Variants in LRRN3 observed in about 807,000 individuals in gnomAD.
The protein encoded by LRRN3 is leucine rich repeat neuronal 3.
A neutral mutation model predicts 40.1 loss-of-function variants in LRRN3; 15 were observed. The observed-to-expected ratio is 0.37, with a 90% CI of 0.25 to 0.58. The LOEUF is 0.58. LRRN3 is among the 20% of genes least tolerant of loss of function. The probability of loss-of-function intolerance (pLI) is 0.72; values close to 1 mark genes in which losing one functional copy is unlikely to be tolerated. For missense variants in LRRN3, 746 were observed against 837.7 expected (o/e 0.89, Z 1.35); for synonymous variants, 308 against 297.2 (o/e 1.04, Z -0.37).
chr7:111,096,588 T>A (rs1016488875), intron 1 of LRRN3, among the ~76,000 whole-genome samples: 1 of 151,070 alleles, frequency 6.6e-6, no homozygotes, highest in Non-Finnish European at 1.5e-5. Context: ...TACCTACTCA[T>A]CCATATGTTT....
intron 2 of LRRN3, among the ~76,000 whole-genome samples, chr7:111,105,414 C>G (rs1303766344): frequency 6.6e-6 from 1 of 151,778 alleles, no homozygotes; most frequent in Non-Finnish European, 1.5e-5. Flanking sequence ...GAACAATACA[C>G]CACAACAGTA....
At chr7:111,106,725 T>C (rs1207742216) in intron 2 of LRRN3, among the ~76,000 whole-genome samples, 2 of 148,088 alleles carry the variant, frequency 1.4e-5, no homozygotes, top group Non-Finnish European at 3.0e-5. Flanking sequence ...AAAACTGCCC[T>C]TACAGATCTT....
At chr7:111,116,696 T>C (rs1267625449) in intron 2 of LRRN3, among the ~76,000 whole-genome samples, 1 of 152,186 alleles carries the variant, frequency 6.6e-6, no homozygotes, top group Non-Finnish European at 1.5e-5. Flanking sequence ...AAACAGTTTT[T>C]ATTTTATTCC....
intron 2 of LRRN3, among the ~76,000 whole-genome samples, chr7:111,108,092 G>T (rs527522384): frequency 5.3e-5 from 8 of 152,026 alleles, no homozygotes; most frequent in Non-Finnish European, 8.8e-5. Context: ...AGTGTCTTCT[G>T]TAAGTGTCAC....
chr7:111,096,921 C>G (rs1797461014), intron 1 of LRRN3: 1 of 151,838 alleles, frequency 6.6e-6, no homozygotes, highest in African/African-American at 2.4e-5. Context: ...TCTGTGAGCC[C>G]TTTCTAGGGG....
chr7:111,104,709 G>C (rs1029521839), intron 2 of LRRN3, among the ~76,000 whole-genome samples: 2 of 151,740 alleles, frequency 1.3e-5, no homozygotes, highest in African/African-American at 4.8e-5. Context: ...AAGTGTGAAG[G>C]ACTTGTCACA....
intron 2 of LRRN3, among the ~76,000 whole-genome samples, chr7:111,118,885 G>A (rs563909017): frequency 6.6e-6 from 1 of 152,172 alleles, no homozygotes; most frequent in Admixed American, 6.5e-5. Context: ...ACTCTCATTT[G>A]CAAAAGCTTT....
chr7:111,121,867 G>A (rs987766221), intron 2 of LRRN3, among the ~76,000 whole-genome samples: 2 of 152,090 alleles, frequency 1.3e-5, no homozygotes, highest in Admixed American at 1.3e-4. Context: ...AGAAAATGTG[G>A]CAAATATACA....
rs1800066600 is a variant in LRRN3, at chr7:111,117,770, T to C, written c.-358-4645T>C. 2.0e-5 allele frequency among the ~76,000 whole-genome samples: 3 copies of C among 152,038 alleles called. No homozygotes were observed. The South Asian group carries it at 6.2e-4, about 31-fold the overall frequency. On this transcript the variant is annotated intron_variant, in intron 2 of 2. Coordinates refer to ENST00000308478, the MANE Select transcript of LRRN3 (RefSeq NM_001099658.2). ...TATACAAATGAACTTAGCCAGCAAT[T>C]TGCTATAGAAGAAAAGGAAAAACTG...
chr7:111,122,421 G>A lies in LRRN3; in HGVS notation c.-352G>A, dbSNP rs554225790. The A allele has an allele frequency of 6.6e-4, 121 of 183,606 alleles. No homozygotes were observed. Among genetic ancestry groups the A allele is most frequent in the African/African-American group, 2.6e-3 (111 of 42,662 alleles). The allele number at this position is 183,606 out of a possible 1,614,324, so 11.4% of individuals were successfully genotyped here. A position where few individuals can be genotyped will look rare whatever the true frequency, so the allele number is the denominator to read the frequency against. ...TTCATTTTATTACATTTAGCATCATGCTGCTATTCCTGCAAATACTGAAGA... is the reference window on the plus strand; with the variant it reads ...TTCATTTTATTACATTTAGCATCATACTGCTATTCCTGCAAATACTGAAGA... On this transcript the variant is annotated 5_prime_UTR_variant, in exon 3 of 3. It removes an upstream start codon present in the reference 5' UTR. Coordinates refer to ENST00000308478, the MANE Select transcript of LRRN3 (RefSeq NM_001099658.2).
At chr7:111,115,144 AAG>A (rs1799724881) in intron 2 of LRRN3, among the ~76,000 whole-genome samples, 2 of 152,288 alleles carry the variant, frequency 1.3e-5, no homozygotes, top group South Asian at 2.1e-4. Flanking sequence ...AGGTAAATAA[AAG>A]AGAGGTTAAA....
chr7:111,101,875 GCAGT>G (rs1341208700), intron 2 of LRRN3, among the ~76,000 whole-genome samples: 3 of 151,350 alleles, frequency 2.0e-5, no homozygotes, highest in Admixed American at 6.6e-5. Context: ...TCATTTCTTG[GCAGT>G]CAGGTGATAT....
At chr7:111,104,686 T>C (rs963680131) in intron 2 of LRRN3, among the ~76,000 whole-genome samples, 9 of 151,738 alleles carry the variant, frequency 5.9e-5, no homozygotes, top group African/African-American at 1.9e-4. Flanking sequence ...GGAAAATTAA[T>C]AGCAGGGATG....
intron 2 of LRRN3, among the ~76,000 whole-genome samples, chr7:111,121,760 T>A (rs372297994): frequency 2.0e-5 from 3 of 152,150 alleles, no homozygotes; most frequent in Non-Finnish European, 4.4e-5. Flanking sequence ...AACATGCTGA[T>A]ATAAAGACAC....
chr7:111,103,883 T>C (rs550715773), intron 2 of LRRN3, among the ~76,000 whole-genome samples: 1 of 151,712 alleles, frequency 6.6e-6, no homozygotes, highest in South Asian at 2.1e-4. Context: ...AGTCCATGCC[T>C]GATCCCTTAA....
At chr7:111,118,479 A>C (rs118103170) in intron 2 of LRRN3, among the ~76,000 whole-genome samples, 1 of 152,040 alleles carries the variant, frequency 6.6e-6, no homozygotes, top group African/African-American at 2.4e-5. Context: ...TTTGATTTTA[A>C]CGGCCTAAAC....
chr7:111,115,572 C>T (rs1417496853), intron 2 of LRRN3, among the ~76,000 whole-genome samples: 1 of 152,042 alleles, frequency 6.6e-6, no homozygotes, highest in Non-Finnish European at 1.5e-5. Context: ...ACTACCCTTT[C>T]TAAATTATAG....
chr7:111,093,340 T>G (rs1038700909), intron 1 of LRRN3, among the ~76,000 whole-genome samples: 4 of 152,232 alleles, frequency 2.6e-5, no homozygotes, highest in African/African-American at 9.6e-5. Context: ...TTTGCTTTTC[T>G]GCTATTTATT....
chr7:111,120,064 C>G (rs537833014), intron 2 of LRRN3, among the ~76,000 whole-genome samples: 38 of 152,198 alleles, frequency 2.5e-4, no homozygotes, highest in Middle Eastern at 3.4e-3. Context: ...AGGTTGCCTG[C>G]AGGAAAATGG....
Sources: gnomAD v4.1 joint callset for allele counts (sites outside exome capture counted in the v4.1 genomes callset) on GRCh38, gnomAD v4.1.1 for gene constraint, MANE v1.5 for transcripts, NCBI Gene and HGNC (gene_info 2026-07-23, HGNC 2026-07-21) for gene names.